Variants in CDS1 observed in about 807,000 individuals in gnomAD.
CDS1 encodes the protein CDP-diacylglycerol synthase 1, also known as phosphatidate cytidylyltransferase 1.
Under a neutral mutation model 62.1 loss-of-function variants are expected in CDS1, and 41 were observed. The observed-to-expected ratio is 0.66, with a 90% CI of 0.51 to 0.86. The LOEUF is 0.86. CDS1 is among the 40% of genes least tolerant of loss of function. The probability of loss-of-function intolerance (pLI) is 0.00; values close to 1 mark genes in which losing one functional copy is unlikely to be tolerated. For missense variants in CDS1, 470 were observed against 550.1 expected (o/e 0.85, Z 1.46); for synonymous variants, 185 against 192.6 (o/e 0.96, Z 0.32).
At chr4:84,621,104 C>T (rs930085240) in intron 5 of CDS1, among the ~76,000 whole-genome samples, 3 of 152,194 alleles carry the variant, frequency 2.0e-5, no homozygotes, top group Admixed American at 6.5e-5. Context: ...TAATTAATTT[C>T]TCTGTGCTTC....
chr4:84,603,352 T>G (rs1364259301), intron 1 of CDS1, among the ~76,000 whole-genome samples: 1 of 152,156 alleles, frequency 6.6e-6, no homozygotes, highest in East Asian at 1.9e-4. Flanking sequence ...AGTTTCCTCC[T>G]CTGTAAGCCA....
chr4:84,645,803 G>A (rs939470270), intron 12 of CDS1, among the ~76,000 whole-genome samples: 1 of 152,144 alleles, frequency 6.6e-6, no homozygotes, highest in Non-Finnish European at 1.5e-5. Context: ...AAAGAATGAT[G>A]AGAAAGAGAC....
chr4:84,649,124 C>T lies in CDS1; in HGVS notation c.*438C>T, dbSNP rs77112336. On this transcript the variant is annotated 3_prime_UTR_variant, in exon 13 of 13. Transcript: ENST00000295887. ...TTTTATGCAAGGCACAATAGGAAGT[C>T]AGTTCTCCTGCACTTCCTCCTCATG... is the stretch of plus-strand genomic sequence containing the variant. 6.2e-4 allele frequency: 95 copies of T among 152,798 alleles called. No homozygotes were observed. The East Asian group carries it at 0.016, about 26-fold the overall frequency. The allele number at this position is 152,798 out of a possible 1,614,324, so 9.5% of individuals were successfully genotyped here. A position where few individuals can be genotyped will look rare whatever the true frequency, so the allele number is the denominator to read the frequency against.
chr4:84,589,951 C>T (rs1009246447), intron 1 of CDS1, among the ~76,000 whole-genome samples: 4 of 152,204 alleles, frequency 2.6e-5, no homozygotes, highest in African/African-American at 4.8e-5. Flanking sequence ...GCTGGGACTA[C>T]AGGCACCCGC....
chr4:84,611,947 A>T (rs148970655), intron 3 of CDS1, among the ~76,000 whole-genome samples: 3,462 of 152,188 alleles, frequency 0.023, 73 homozygotes, highest in Non-Finnish European at 0.028. Context: ...GTGTGTGCAG[A>T]GCACTTTTCA....
chr4:84,642,595 A>G (rs1302549522), intron 10 of CDS1, among the ~76,000 whole-genome samples: 1 of 152,200 alleles, frequency 6.6e-6, no homozygotes, highest in East Asian at 1.9e-4. Context: ...AATTTTAGAG[A>G]AAAGTCCAAC....
At chr4:84,599,953 T>C (rs1345793233) in intron 1 of CDS1, among the ~76,000 whole-genome samples, 2 of 152,306 alleles carry the variant, frequency 1.3e-5, no homozygotes, top group East Asian at 3.9e-4. Context: ...TTAAAAAAAC[T>C]GTGATACTGT....
intron 5 of CDS1, among the ~76,000 whole-genome samples, chr4:84,627,373 G>A (rs1723893517): frequency 6.6e-6 from 1 of 152,118 alleles, no homozygotes; most frequent in Non-Finnish European, 1.5e-5. Flanking sequence ...TTGACTGATA[G>A]CAGAGAAAAT....
chr4:84,615,449 A>C (rs1723458733), intron 3 of CDS1, among the ~76,000 whole-genome samples: 2 of 151,684 alleles, frequency 1.3e-5, no homozygotes, highest in African/African-American at 2.4e-5. Context: ...GACCAGGCTC[A>C]TCTCTCTCTC....
intron 6 of CDS1, among the ~76,000 whole-genome samples, chr4:84,632,826 A>T (rs2148655637): frequency 6.6e-6 from 1 of 152,362 alleles, no homozygotes; most frequent in Non-Finnish European, 1.5e-5. Flanking sequence ...CAGGTTTATT[A>T]AGAATAAATC....
At chr4:84,599,626 G>A (rs1383561120) in intron 1 of CDS1, among the ~76,000 whole-genome samples, 1 of 150,986 alleles carries the variant, frequency 6.6e-6, no homozygotes, top group Non-Finnish European at 1.5e-5. Flanking sequence ...TAATACGTGT[G>A]TGTGTATATA....
chr4:84,624,273 CAA>C (rs1268924462), intron 5 of CDS1, among the ~76,000 whole-genome samples: 1 of 56,518 alleles, frequency 1.8e-5, no homozygotes, highest in Non-Finnish European at 3.8e-5. Flanking sequence ...GACTCTGTCT[CAA>C]AAAAAAAAAA....
chr4:84,640,398 G>A (rs1560483396), intron 9 of CDS1, among the ~76,000 whole-genome samples: 1 of 151,828 alleles, frequency 6.6e-6, no homozygotes, highest in Admixed American at 6.6e-5. Context: ...AATTGCAATG[G>A]TGTGGCCAGG....
intron 7 of CDS1, 22 bp downstream of exon 7, chr4:84,633,961 G>T: frequency 7.1e-7 from 1 of 1,418,190 alleles, no homozygotes; most frequent in South Asian, 1.2e-5. Context: ...GAATTATGCT[G>T]CTTTATAAGT....
chr4:84,589,245 A>ATT lies in CDS1; in HGVS notation c.117+5727_117+5728insTT, dbSNP rs759167465. Among the ~76,000 whole-genome samples, 4 of 152,334 alleles carry ATT rather than the reference A, an allele frequency of 2.6e-5. No homozygotes were observed. The East Asian group carries it at 7.7e-4, about 29-fold the overall frequency. ...TAACATAGCTATAATATCATTTTAGACTGTAGATACTATTCAGAAATTCAC... is the reference window on the plus strand; with the variant it reads ...TAACATAGCTATAATATCATTTTAGATTCTGTAGATACTATTCAGAAATTCAC... On this transcript the variant is annotated intron_variant, in intron 1 of 12. Coordinates refer to ENST00000295887, the MANE Select transcript of CDS1 (RefSeq NM_001263.4).
intron 2 of CDS1, among the ~76,000 whole-genome samples, chr4:84,605,934 C>T (rs1723079915): frequency 6.6e-6 from 1 of 151,962 alleles, no homozygotes; most frequent in African/African-American, 2.4e-5. Flanking sequence ...AGTTATGGAC[C>T]CACATTCTGA....
intron 3 of CDS1, among the ~76,000 whole-genome samples, chr4:84,612,729 G>A (rs1425221328): frequency 6.6e-6 from 1 of 152,062 alleles, no homozygotes; most frequent in Admixed American, 6.6e-5. Flanking sequence ...GGTGGCTGAC[G>A]CCTGTAATCT....
chr4:84,631,791 C>T (rs756735180), intron 5 of CDS1, 28 bp from the exon 6 acceptor site: 18 of 1,594,692 alleles, frequency 1.1e-5, no homozygotes, highest in South Asian at 1.1e-4. Context: ...AATTGTACAA[C>T]GAGCACATGT....
At chr4:84,593,554 G>A (rs966147914) in intron 1 of CDS1, among the ~76,000 whole-genome samples, 3 of 151,810 alleles carry the variant, frequency 2.0e-5, no homozygotes, top group African/African-American at 7.3e-5. Flanking sequence ...ACCCAAGCTG[G>A]AGTGCAGTGG....
Sources: gnomAD v4.1 joint callset for allele counts (sites outside exome capture counted in the v4.1 genomes callset) on GRCh38, gnomAD v4.1.1 for gene constraint, MANE v1.5 for transcripts, NCBI Gene and HGNC (gene_info 2026-07-23, HGNC 2026-07-21) for gene names.